Variants in MTMR4 observed in about 807,000 individuals in gnomAD.
MTMR4 encodes the protein myotubularin related protein 4.
In MTMR4, 30 loss-of-function variants were observed where a neutral mutation model predicts 125.5. That is an observed-to-expected ratio of 0.24 (90% CI 0.18 to 0.32). The LOEUF (loss-of-function observed/expected upper bound fraction) is 0.32, where lower values mean the gene tolerates loss of function less well. Ranked by LOEUF, MTMR4 falls within the 10% of genes least tolerant of loss-of-function variation. The pLI, the probability that MTMR4 is intolerant of heterozygous loss-of-function variation, is 1.00. For missense variants in MTMR4, 1,039 were observed against 1,511.5 expected (o/e 0.69, Z 5.18); for synonymous variants, 498 against 564.5 (o/e 0.88, Z 1.67).
In MTMR4 at chr17:58,491,502, CAAT is replaced by C; in HGVS notation, c.*158_*160del. The C allele has an allele frequency of 2.5e-5, 18 of 708,808 alleles. 1 individual carries two copies. In the South Asian group the frequency reaches 3.9e-4, roughly 15 times the overall value. The allele number at this position is 708,808 out of a possible 1,614,324, so 43.9% of individuals were successfully genotyped here. A position where few individuals can be genotyped will look rare whatever the true frequency, so the allele number is the denominator to read the frequency against. ...CAGTAGAGGACCTCCTGCTAAATTG[CAAT>C]TCCTCTGCTCCAGTTTCATGATACC... On this transcript the variant is annotated 3_prime_UTR_variant, in exon 18 of 18. Coordinates refer to ENST00000682306, the MANE Select transcript of MTMR4 (RefSeq NM_001378067.1).
upstream of MTMR4, among the ~76,000 whole-genome samples, chr17:58,516,837 G>A (rs970266536): frequency 4.6e-5 from 7 of 152,216 alleles, no homozygotes; most frequent in Non-Finnish European, 8.8e-5. Context: ...AGTCAGCCAC[G>A]AAGTTCTGAA....
chr17:58,514,414 G>A lies in MTMR4; in HGVS notation c.-7C>T. ...CGCGGGCGGTCAGGCTCATGGTCGC[G>A]GGCGGTCTGGGCCAGCGCACATGTC... is the stretch of plus-strand genomic sequence containing the variant. On this transcript the variant is annotated 5_prime_UTR_variant, in exon 1 of 18. Coordinates refer to ENST00000682306, the MANE Select transcript of MTMR4 (RefSeq NM_001378067.1). 2 of 986,290 alleles carry A rather than the reference G, an allele frequency of 2.0e-6. No homozygotes were observed. Among genetic ancestry groups the A allele is most frequent in the African/African-American group, 1.7e-5 (1 of 57,322 alleles). 61.1% of individuals were successfully genotyped at this position (986,290 alleles called of 1,614,324 possible).
chr17:58,494,720 C>T (rs2270098), intron 15 of MTMR4, among the ~76,000 whole-genome samples: 33,692 of 152,124 alleles, frequency 0.22, 4,038 homozygotes, highest in South Asian at 0.34. Flanking sequence ...TCTTCCTTGA[C>T]GTTTCACTCC....
At position 58,508,789 on chromosome 17, in the gene MTMR4, G is replaced by GGCTTAGCCGTGAGAGCCACTCTTGGCACT; in HGVS notation, c.359_387dup (p.Arg130SerfsTer9). ...GGCTTGGCAGGTCTTGCTGTGGCTCGGCTTAGCCGTGAGAGCCACTCTTGG... is the reference window on the plus strand; with the variant it reads ...GGCTTGGCAGGTCTTGCTGTGGCTCGGCTTAGCCGTGAGAGCCACTCTTGGCACTGCTTAGCCGTGAGAGCCACTCTTGG... On this transcript the variant is annotated stop_gained and frameshift_variant, in exon 5 of 18. Transcript: ENST00000682306. LOFTEE classifies it high-confidence loss of function. The surrounding 1 kb of genome is among the most constrained non-coding windows in gnomAD (Gnocchi z 4.8). 6.2e-7 allele frequency: 1 copy of GGCTTAGCCGTGAGAGCCACTCTTGGCACT among 1,614,176 alleles called. No individual in the cohort carries two copies. The highest frequency in any genetic ancestry group is 8.5e-7 in the Non-Finnish European group (1 of 1,180,040).
rs974068204 is a variant in MTMR4, at chr17:58,490,631, C to T, written c.*1032G>A. On this transcript the variant is annotated 3_prime_UTR_variant, in exon 18 of 18. Transcript: ENST00000682306. ...GTAAAAACCAAACGCTAAATTCTAC[C>T]CTCAAGGTGTCAAGTGTTCAGGATA... 1.7e-4 allele frequency: 26 copies of T among 152,606 alleles called. No homozygotes were observed. The highest frequency in any genetic ancestry group is 6.0e-4 in the African/African-American group (25 of 41,438). 9.5% of individuals were successfully genotyped at this position (152,606 alleles called of 1,614,324 possible). A position where few individuals can be genotyped will look rare whatever the true frequency, so the allele number is the denominator to read the frequency against.
At position 58,495,282 on chromosome 17, in the gene MTMR4, C is replaced by T. The variant is rs1214862105; in HGVS notation, c.2902G>A (p.Ala968Thr). 1.2e-6 allele frequency: 2 copies of T among 1,614,168 alleles called. No homozygotes were observed. Among genetic ancestry groups the T allele is most frequent in the East Asian group, 2.2e-5 (1 of 44,886 alleles). The part of the protein sequence containing the change: ...ATGPCFGGQW[A>T]QREGVKSPVC... ...GGTGACTTCACACCTTCTCTCTGAG[C>T]CCACTGGCCCCCAAAGCAGGGCCCT... Residue 968 changes from alanine to threonine, a missense_variant, in exon 15 of 18, where the codon GCT (alanine) becomes ACT (threonine). Ala to Thr is a moderately conservative substitution (Grantham distance 58). Transcript: ENST00000682306.
rs931226623 is a variant in MTMR4, at chr17:58,514,440, C to T, written c.-33G>A. The T allele has an allele frequency of 1.0e-6, 1 of 985,304 alleles. No homozygotes were observed. The highest frequency in any genetic ancestry group is 1.7e-5 in the African/African-American group (1 of 57,168). The allele number at this position is 985,304 out of a possible 1,614,324, so 61.0% of individuals were successfully genotyped here. A position where few individuals can be genotyped will look rare whatever the true frequency, so the allele number is the denominator to read the frequency against. On this transcript the variant is annotated 5_prime_UTR_variant, in exon 1 of 18. Transcript: ENST00000682306. ...GGCGGTCTGGGCCAGCGCACATGTC[C>T]CCGGAGCCGCTGCGCTGCCCGCCAG... is the stretch of plus-strand genomic sequence containing the variant.
upstream of MTMR4, among the ~76,000 whole-genome samples, chr17:58,515,692 G>A (rs1354209087): frequency 6.6e-6 from 1 of 152,174 alleles, no homozygotes; most frequent in Non-Finnish European, 1.5e-5. Flanking sequence ...AGAAAAAGAG[G>A]AGCTATCTGT....
intron 14 of MTMR4, among the ~76,000 whole-genome samples, chr17:58,501,615 T>C (rs1249619728): frequency 6.6e-6 from 1 of 151,574 alleles, no homozygotes; most frequent in Non-Finnish European, 1.5e-5. Flanking sequence ...TATATGTATA[T>C]GTCTATGTAT....
At chr17:58,498,098 C>T (rs1975520006) in intron 14 of MTMR4, among the ~76,000 whole-genome samples, 1 of 152,014 alleles carries the variant, frequency 6.6e-6, no homozygotes, top group African/African-American at 2.4e-5. Flanking sequence ...CATGGTGGTG[C>T]ATGCCTGTAA....
upstream of MTMR4, among the ~76,000 whole-genome samples, chr17:58,515,256 A>C (rs1976056791): frequency 6.6e-6 from 1 of 152,186 alleles, no homozygotes; most frequent in African/African-American, 2.4e-5. Context: ...CACAGAAGCT[A>C]TACAAAAAAA....
chr17:58,505,886 G>C (rs879935296), intron 9 of MTMR4, among the ~76,000 whole-genome samples: 11 of 152,270 alleles, frequency 7.2e-5, no homozygotes, highest in Admixed American at 3.3e-4. Flanking sequence ...CAGCCTGGGC[G>C]ACAGAGCGAG....
chr17:58,518,759 G>A (rs1235433611), upstream of MTMR4, among the ~76,000 whole-genome samples: 2 of 152,290 alleles, frequency 1.3e-5, no homozygotes, highest in East Asian at 3.9e-4. Flanking sequence ...ACGGAGGGTG[G>A]CCGCTGGAGG....
Position 58,495,569 on chromosome 17 carries a change from T to C in MTMR4, c.2615A>G (p.His872Arg), listed in dbSNP as rs1350466013. 7 of 1,614,052 alleles carry C rather than the reference T, an allele frequency of 4.3e-6. No homozygotes were observed. The Admixed American group carries it at 5.0e-5, about 12-fold the overall frequency. The change falls in exon 15 of 18, where the codon CAT (histidine) becomes CGT (arginine). Residue 872 changes from histidine (H) to arginine (R), a missense_variant. Transcript: ENST00000682306. ...EQLSSVPDLT[H>R]GEEDIGKRGN... ...TCTTTTACCAATGTCTTCCTCCCCA[T>C]GGGTCAGATCCGGCACAGAACTCAG...
intron 14 of MTMR4, among the ~76,000 whole-genome samples, chr17:58,501,892 C>T (rs1056855190): frequency 1.3e-5 from 2 of 151,736 alleles, no homozygotes; most frequent in Non-Finnish European, 2.9e-5. Flanking sequence ...AACCCCGTCT[C>T]TACTACAAAT....
At chr17:58,505,729 G>GGC (rs1975763345) in intron 9 of MTMR4, 146 bp from the exon 10 acceptor site, 66 of 466,020 alleles carry the variant, frequency 1.4e-4, no homozygotes, top group Admixed American at 1.0e-3. Flanking sequence ...CTAACACAGT[G>GGC]AAACCCCATC....
At position 58,492,506 on chromosome 17, in the gene MTMR4, C is replaced by G. The variant is rs1199812061; in HGVS notation, c.3452+5G>C. On this transcript the variant is annotated splice_donor_5th_base_variant and intron_variant, in intron 17 of 17. Coordinates refer to ENST00000682306, the MANE Select transcript of MTMR4 (RefSeq NM_001378067.1). Reference sequence around the variant, plus strand: ...TGTCATACTAAATCATACAAAACATCTTACCTGCAATGGTGTCTTCGTTTG... The same window carrying G: ...TGTCATACTAAATCATACAAAACATGTTACCTGCAATGGTGTCTTCGTTTG... The G allele has an allele frequency of 2.1e-5, 34 of 1,613,218 alleles. No homozygotes were observed. The highest frequency in any genetic ancestry group is 2.9e-5 in the Non-Finnish European group (34 of 1,179,654).
At chr17:58,518,810 G>A (rs1345981942), upstream of MTMR4, among the ~76,000 whole-genome samples, 2 of 152,202 alleles carry the variant, frequency 1.3e-5, no homozygotes, top group African/African-American at 4.8e-5. Flanking sequence ...CAGAAATGGA[G>A]AACAGTTGAT....
Position 58,492,915 on chromosome 17 carries a change from T to C in MTMR4, c.3290A>G (p.Asp1097Gly). ...GTCTTCACTGTGATCAGAGCCAAAA[T>C]CCTCAGTATCACTGCCATCTGACTC... The part of the protein sequence containing the change: ...LKESDGSDTE[D>G]FGSDHSEDCL... Residue 1097 changes from aspartate (D) to glycine (G), a missense_variant, in exon 16 of 18, where the codon GAT becomes GGT. Asp to Gly is a moderately conservative substitution (Grantham distance 94). Coordinates refer to ENST00000682306, the MANE Select transcript of MTMR4 (RefSeq NM_001378067.1). 1 of 1,614,214 alleles carries C rather than the reference T, an allele frequency of 6.2e-7. No individual in the cohort carries two copies. The highest frequency in any genetic ancestry group is 8.5e-7 in the Non-Finnish European group (1 of 1,180,026).
Sources: allele counts gnomAD v4.1 joint callset (sites outside exome capture counted in the v4.1 genomes callset), GRCh38; gene constraint gnomAD v4.1.1; non-coding constraint Gnocchi (gnomAD v3.1); transcripts MANE v1.5; gene names NCBI Gene and HGNC (gene_info 2026-07-23, HGNC 2026-07-21).